HYCC1: variants seen among roughly 807,000 people sequenced by gnomAD.
The protein encoded by HYCC1 is hyccin.
At chr7:23,007,095 T>C in the HYCC1 span, among the ~76,000 whole-genome samples, 1 of 152,124 alleles carries the variant, frequency 6.6e-6, no homozygotes, top group Non-Finnish European at 1.5e-5. Flanking sequence ...ATCACAGTAT[T>C]TATTAAAATA....
chr7:22,963,638 T>C, the HYCC1 span, among the ~76,000 whole-genome samples: 1 of 152,220 alleles, frequency 6.6e-6, no homozygotes, highest in African/African-American at 2.4e-5. Flanking sequence ...TATTTTAGGC[T>C]TGTGGGCCGT....
chr7:23,005,661 G>A, the HYCC1 span, among the ~76,000 whole-genome samples: 1 of 152,022 alleles, frequency 6.6e-6, no homozygotes, highest in Non-Finnish European at 1.5e-5. Flanking sequence ...TACTCTCCAT[G>A]ACCTTATAAA....
chr7:22,984,191 T>C, the HYCC1 span: 3 of 614,596 alleles, frequency 4.9e-6, no homozygotes, highest in South Asian at 3.8e-5. Context: ...AAGTTTCTTT[T>C]TGGGGTGATG....
At chr7:22,913,447 T>C in the HYCC1 span, among the ~76,000 whole-genome samples, 1 of 152,158 alleles carries the variant, frequency 6.6e-6, no homozygotes, top group Non-Finnish European at 1.5e-5. Flanking sequence ...CTAGGAGTCA[T>C]ACCCGGCACA....
At chr7:22,948,969 G>A in the HYCC1 span, among the ~76,000 whole-genome samples, 3 of 151,674 alleles carry the variant, frequency 2.0e-5, no homozygotes, top group African/African-American at 7.3e-5. Context: ...AGATAAAATC[G>A]CCATGGCACT....
chr7:23,002,230 C>A, the HYCC1 span, among the ~76,000 whole-genome samples: 1 of 146,676 alleles, frequency 6.8e-6, no homozygotes, highest in South Asian at 2.1e-4. Flanking sequence ...ACCACTGTGG[C>A]AACTCAGTAT....
the HYCC1 span, chr7:22,936,178 C>G: frequency 6.6e-6 from 1 of 151,824 alleles, no homozygotes; most frequent in African/African-American, 2.4e-5. Flanking sequence ...AAACTTAAAG[C>G]CAGATCCAGA....
At chr7:22,922,930 T>C in the HYCC1 span, among the ~76,000 whole-genome samples, 1 of 152,084 alleles carries the variant, frequency 6.6e-6, no homozygotes, top group African/African-American at 2.4e-5. Flanking sequence ...AAAATGAGAA[T>C]TGAAAGAAGA....
At chr7:22,983,745 G>A in the HYCC1 span, 1 of 549,046 alleles carries the variant, frequency 1.8e-6, no homozygotes, top group Non-Finnish European at 3.2e-6. Context: ...GAGAAAAAGA[G>A]AGAAAATGTT....
At chr7:22,897,829 T>C in the HYCC1 span, among the ~76,000 whole-genome samples, 1 of 151,866 alleles carries the variant, frequency 6.6e-6, no homozygotes, top group Non-Finnish European at 1.5e-5. Context: ...GAGATGGGGT[T>C]TTTTCATGTT....
the HYCC1 span, among the ~76,000 whole-genome samples, chr7:22,995,021 C>G: frequency 1.3e-5 from 2 of 152,190 alleles, no homozygotes; most frequent in African/African-American, 4.8e-5. Flanking sequence ...TTCAACAGTT[C>G]TTCAAATGTT....
chr7:22,931,329 G>C, the HYCC1 span, among the ~76,000 whole-genome samples: 12 of 151,038 alleles, frequency 7.9e-5, no homozygotes, highest in African/African-American at 2.9e-4. Flanking sequence ...AGGGAGCATA[G>C]GCCTTGAATT....
chr7:22,953,530 T>C, the HYCC1 span, among the ~76,000 whole-genome samples: 1 of 151,960 alleles, frequency 6.6e-6, no homozygotes, highest in African/African-American at 2.4e-5. Flanking sequence ...ATGAGATTTT[T>C]TGTTTTCCTC....
chr7:23,008,542 T>A, the HYCC1 span, among the ~76,000 whole-genome samples: 15 of 152,074 alleles, frequency 9.9e-5, no homozygotes, highest in African/African-American at 2.6e-4. Flanking sequence ...GTAACATGAA[T>A]AAAGAAATAC....
chr7:22,949,015 T>C, the HYCC1 span, among the ~76,000 whole-genome samples: 1 of 151,998 alleles, frequency 6.6e-6, no homozygotes, highest in Admixed American at 6.6e-5. Context: ...ATTTACATTG[T>C]GGAAGCTGTT....
the HYCC1 span, among the ~76,000 whole-genome samples, chr7:22,952,334 T>C: frequency 2.6e-5 from 4 of 151,966 alleles, no homozygotes; most frequent in Non-Finnish European, 4.4e-5. Context: ...AAGCTGAGGT[T>C]TGAATGATGA....
At chr7:22,996,292 C>CAA in the HYCC1 span, among the ~76,000 whole-genome samples, 4 of 55,600 alleles carry the variant, frequency 7.2e-5, no homozygotes, top group Non-Finnish European at 3.7e-5. Context: ...GACTCCGTCT[C>CAA]AAAAAAAAAA....
At chr7:22,974,846 C>T in the HYCC1 span, among the ~76,000 whole-genome samples, 1 of 152,292 alleles carries the variant, frequency 6.6e-6, no homozygotes, top group South Asian at 2.1e-4. Context: ...TTTTCCCATG[C>T]TGTTCTCACA....
chr7:23,002,126 G>A, the HYCC1 span, among the ~76,000 whole-genome samples: 1 of 116,660 alleles, frequency 8.6e-6, no homozygotes. Flanking sequence ...AAGAAATAAT[G>A]GTAAAAATTG....
Sources: allele counts gnomAD v4.1 joint callset (sites outside exome capture counted in the v4.1 genomes callset), GRCh38; gene constraint gnomAD v4.1.1; transcripts MANE v1.5; gene names NCBI Gene and HGNC (gene_info 2026-07-23, HGNC 2026-07-21).